IRF4: variants seen among roughly 807,000 people sequenced by gnomAD.
IRF4 encodes interferon regulatory factor 4, also known as lymphocyte-specific interferon regulatory factor.
In IRF4, 13 loss-of-function variants were observed where a neutral mutation model predicts 55.5. The ratio of observed to expected loss-of-function variants is 0.23; its 90% CI spans 0.15 to 0.37. The LOEUF is 0.37. IRF4 is among the 10% of genes least tolerant of loss of function. The pLI is 1.00. For missense variants in IRF4, 397 were observed against 593.8 expected (o/e 0.67, Z 3.44); for synonymous variants, 249 against 240.7 (o/e 1.03, Z -0.32).
rs142461031 is a variant in IRF4, at chr6:398,045, T to C, written c.638-783T>C. Among the ~76,000 whole-genome samples, 303 of 152,370 alleles carry C rather than the reference T, an allele frequency of 2.0e-3. 9 individuals are homozygous for C. The East Asian group carries it at 0.049, about 24-fold the overall frequency. On this transcript the variant is annotated intron_variant, in intron 5 of 8. Transcript: ENST00000380956. The stretch of plus-strand genomic sequence containing the variant: ...GAGGTGTACCACTCTTTAATGTTTG[T>C]ACTGAGTGGCATGTTCACAAAAAAG...
intron 8 of IRF4, among the ~76,000 whole-genome samples, chr6:405,960 C>T (rs944257280): frequency 3.9e-5 from 6 of 152,142 alleles, no homozygotes; most frequent in African/African-American, 1.4e-4. Context: ...AAGTTACACC[C>T]CCTAACATCA....
In IRF4 at chr6:393,092, C is replaced by T. The variant is rs929017948; in HGVS notation, c.-55-6C>T. 6.9e-6 allele frequency: 10 copies of T among 1,454,644 alleles called. No individual in the cohort carries two copies. The African/African-American group carries it at 1.1e-4, about 16-fold the overall frequency. 90.1% of individuals were successfully genotyped at this position (1,454,644 alleles called of 1,614,324 possible). On this transcript the variant is annotated splice_region_variant and splice_polypyrimidine_tract_variant and intron_variant, in intron 1 of 8. Coordinates refer to ENST00000380956, the MANE Select transcript of IRF4 (RefSeq NM_002460.4). The surrounding 1 kb of genome is among the most constrained non-coding windows in gnomAD (Gnocchi z 5.4). ...CGTGGCTGAAGGGCAGCTCTTCTCC[C>T]CGCAGTGCAGAGCAGAGCGGGCGGA...
chr6:398,910 G>A lies in IRF4; in HGVS notation c.720G>A (p.Arg240=). 1 of 1,612,670 alleles carries A rather than the reference G, an allele frequency of 6.2e-7. No individual in the cohort carries two copies. The highest frequency in any genetic ancestry group is 8.5e-7 in the Non-Finnish European group (1 of 1,179,510). ...APGVPTEPSI[R]SAEALAFSDC... ...GAGTCCCCACAGAGCCAAGCATAAGGTCTGCCGAAGCCTTGGCGTTCTCAG... is the reference window on the plus strand; with the variant it reads ...GAGTCCCCACAGAGCCAAGCATAAGATCTGCCGAAGCCTTGGCGTTCTCAG... Residue 240 remains arginine (R), a synonymous_variant, in exon 6 of 9, where the codon AGG becomes AGA. Transcript: ENST00000380956.
intron 7 of IRF4, among the ~76,000 whole-genome samples, 168 bp from the exon 8 acceptor site, chr6:404,850 C>T (rs1761503160): frequency 6.6e-6 from 1 of 152,224 alleles, no homozygotes; most frequent in South Asian, 2.1e-4. Flanking sequence ...TGCATACATG[C>T]TATTTTGTAT....
intron 7 of IRF4, among the ~76,000 whole-genome samples, chr6:404,759 C>G (rs796935775): frequency 2.0e-5 from 3 of 152,370 alleles, no homozygotes; most frequent in African/African-American, 7.2e-5. Flanking sequence ...TGCTGCAAAG[C>G]AGTGTTCTTT....
chr6:405,150 C>G lies in IRF4; in HGVS notation c.1212+20C>G, dbSNP rs776859143. On this transcript the variant is annotated intron_variant, in intron 8 of 8. Transcript: ENST00000380956. ...GCTCACGTGAGTCCTCAGTTACACTCCTACCATAGTGGCTTCCTGTTCTTT... is the reference window on the plus strand; with the variant it reads ...GCTCACGTGAGTCCTCAGTTACACTGCTACCATAGTGGCTTCCTGTTCTTT... 3 of 1,313,078 alleles carry G rather than the reference C, an allele frequency of 2.3e-6. No homozygotes were observed. Among genetic ancestry groups the G allele is most frequent in the South Asian group, 1.2e-5 (1 of 84,588 alleles). The allele number at this position is 1,313,078 out of a possible 1,614,324, so 81.3% of individuals were successfully genotyped here.
intron 7 of IRF4, among the ~76,000 whole-genome samples, chr6:404,123 G>A (rs575229265): frequency 1.2e-4 from 19 of 152,342 alleles, no homozygotes; most frequent in African/African-American, 2.2e-4. Context: ...ATAAGGACGC[G>A]TCTGTTCTGC....
At position 394,796 on chromosome 6, in the gene IRF4, C is replaced by T. The variant is rs371768937; in HGVS notation, c.217-25C>T. The T allele has an allele frequency of 2.6e-5, 42 of 1,598,444 alleles. No individual in the cohort carries two copies. The African/African-American group carries it at 3.4e-4, about 13-fold the overall frequency. On this transcript the variant is annotated intron_variant, in intron 2 of 8. Transcript: ENST00000380956. Reference sequence around the variant, plus strand: ...AAACCAGACATGTATTTTGACTTTTCGTTCTCTTCATTCTTTCCCACCAGG... The same window carrying T: ...AAACCAGACATGTATTTTGACTTTTTGTTCTCTTCATTCTTTCCCACCAGG...
chr6:397,715 C>G (rs544034476), intron 5 of IRF4, among the ~76,000 whole-genome samples: 11 of 152,334 alleles, frequency 7.2e-5, no homozygotes, highest in African/African-American at 2.6e-4. Flanking sequence ...CTACAGGTGC[C>G]TACCTACCAC....
intron 8 of IRF4, 88 bp downstream of exon 8, chr6:405,218 T>C: frequency 1.3e-6 from 1 of 752,784 alleles, no homozygotes; most frequent in South Asian, 1.6e-5. Flanking sequence ...AAATGAAAAG[T>C]AAATGTCAAA....
At chr6:404,325 G>A (rs1392747472) in intron 7 of IRF4, among the ~76,000 whole-genome samples, 2 of 152,216 alleles carry the variant, frequency 1.3e-5, no homozygotes, top group African/African-American at 2.4e-5. Context: ...GCTTCAGGAT[G>A]TACATGTGTA....
intron 6 of IRF4, among the ~76,000 whole-genome samples, chr6:399,752 C>T (rs1024730059): frequency 6.6e-5 from 10 of 152,118 alleles, no homozygotes; most frequent in East Asian, 1.9e-4. Flanking sequence ...TTCAGGGAGG[C>T]GAGAGTTGTG....
intron 8 of IRF4, chr6:406,907 T>C: frequency 1.9e-6 from 2 of 1,071,740 alleles, no homozygotes; most frequent in East Asian, 1.9e-4. Flanking sequence ...TTGGTGAGTG[T>C]GATCCACGCT....
At chr6:392,701 C>T (rs1761139177) in intron 1 of IRF4, among the ~76,000 whole-genome samples, 1 of 151,694 alleles carries the variant, frequency 6.6e-6, no homozygotes, top group Non-Finnish European at 1.5e-5. Flanking sequence ...GGGGAAGGGG[C>T]GAGAAGCGGG....
At position 408,322 on chromosome 6, in the gene IRF4, G is replaced by C. The variant is rs1293676579; in HGVS notation, c.*724G>C. ...TGAATCTTTGACTGAAGCCGTGCCT[G>C]TAGCCTTGGGGAGGCCCATCCCCCA... On this transcript the variant is annotated 3_prime_UTR_variant, in exon 9 of 9. Transcript: ENST00000380956. 4.3e-6 allele frequency: 1 copy of C among 231,934 alleles called. No homozygotes were observed. The highest frequency in any genetic ancestry group is 8.5e-6 in the Non-Finnish European group (1 of 117,150). The allele number at this position is 231,934 out of a possible 1,614,324, so 14.4% of individuals were successfully genotyped here. A position where few individuals can be genotyped will look rare whatever the true frequency, so the allele number is the denominator to read the frequency against.
In IRF4 at chr6:397,129, C is replaced by T. The variant is rs1322864517; in HGVS notation, c.514C>T (p.Pro172Ser). 1 of 1,614,232 alleles carries T rather than the reference C, an allele frequency of 6.2e-7. No individual in the cohort carries two copies. Among genetic ancestry groups the T allele is most frequent in the South Asian group, 1.1e-5 (1 of 91,082 alleles). ...TTAGCAGGTTCACAACTACATGATG[C>T]CACCCCTCGACCGAAGCTGGAGGGA... ...PAQQVHNYMMPPLDRSWRDYV... is the reference protein window; with the variant it reads ...PAQQVHNYMMSPLDRSWRDYV... Residue 172 changes from proline to serine, a missense_variant, in exon 5 of 9, where the codon CCA becomes TCA. Around this residue, in one of 3 missense-constraint regions of IRF4, gnomAD observed 341 missense variants for 548.1 expected, o/e 0.62. Transcript: ENST00000380956.
intron 7 of IRF4, among the ~76,000 whole-genome samples, chr6:403,057 T>A (rs1389884431): frequency 6.6e-6 from 1 of 152,136 alleles, no homozygotes; most frequent in Non-Finnish European, 1.5e-5. Flanking sequence ...AAAAAATAAC[T>A]AAGCTCACAC....
intron 7 of IRF4, among the ~76,000 whole-genome samples, chr6:403,115 G>A (rs779265424): frequency 6.6e-6 from 1 of 152,256 alleles, no homozygotes; most frequent in Non-Finnish European, 1.5e-5. Context: ...TCCCCGAGGC[G>A]GCGGCAAGTG....
intron 1 of IRF4, 100 bp downstream of exon 1, chr6:391,909 C>T (rs1581219394): frequency 4.5e-6 from 2 of 446,244 alleles, no homozygotes; most frequent in South Asian, 1.6e-5. Context: ...GCGCAGGGTA[C>T]CCCGGCTTCG....
Sources: gnomAD v4.1 joint callset for allele counts (sites outside exome capture counted in the v4.1 genomes callset) on GRCh38, gnomAD v4.1.1 for gene constraint, gnomAD v4.1.1 regional missense constraint, Gnocchi (gnomAD v3.1) non-coding constraint, MANE v1.5 for transcripts, NCBI Gene and HGNC (gene_info 2026-07-23, HGNC 2026-07-21) for gene names.